Variants in SCNN1A observed in about 807,000 individuals in gnomAD.
The protein encoded by SCNN1A is epithelial sodium channel subunit alpha.
A neutral mutation model predicts 68.6 loss-of-function variants in SCNN1A; 65 were observed. That is an observed-to-expected ratio of 0.95 (90% CI 0.78 to 1.16). The LOEUF (loss-of-function observed/expected upper bound fraction) is 1.16. SCNN1A is among the 50% of genes most tolerant of loss of function. The probability of loss-of-function intolerance (pLI) is 0.00; values close to 1 mark genes in which losing one functional copy is unlikely to be tolerated. For missense variants in SCNN1A, 880 were observed against 865.9 expected, an observed-to-expected ratio of 1.02 and a Z score of -0.20; for synonymous variants, 357 against 353.3, an observed-to-expected ratio of 1.01 and a Z score of -0.12.
At chr12:6,354,694 G>T in intron 7 of SCNN1A, 56 bp downstream of exon 7, 1 of 1,508,522 alleles carries the variant, frequency 6.6e-7, no homozygotes, top group South Asian at 1.1e-5. Flanking sequence ...CAGCTTTGCA[G>T]GGCCAGCCAG....
rs72645116 is a variant in SCNN1A at position 6,363,766 on chromosome 12, C to T, written c.417-56G>A. The T allele has an allele frequency of 5.9e-4, 878 of 1,499,550 alleles. 5 individuals carry two copies. The African/African-American group carries it at 0.012, about 20-fold the overall frequency. 92.9% of individuals were successfully genotyped at this position (1,499,550 alleles called of 1,614,324 possible). On this transcript the variant is annotated intron_variant, in intron 2 of 12. Transcript: ENST00000228916. Reference sequence around the variant, plus strand: ...AGGGGCCCTGGAGCGAGTGTCTGGCCCCTCCGGGGTCAGGGTCCTCATCTG... The same window carrying T: ...AGGGGCCCTGGAGCGAGTGTCTGGCTCCTCCGGGGTCAGGGTCCTCATCTG...
At chr12:6,373,208 A>G (rs1948824882) in intron 2 of SCNN1A, among the ~76,000 whole-genome samples, 1 of 151,988 alleles carries the variant, frequency 6.6e-6, no homozygotes, top group Non-Finnish European at 1.5e-5. Flanking sequence ...ACATGATGGA[A>G]TATACGAAGG....
chr12:6,361,699 C>T (rs1349713714), intron 4 of SCNN1A, among the ~76,000 whole-genome samples: 6 of 152,128 alleles, frequency 3.9e-5, no homozygotes, highest in Admixed American at 3.3e-4. Flanking sequence ...GCCGAGATCG[C>T]GCCATTGCAC....
At position 6,375,528 on chromosome 12, in the gene SCNN1A, G is replaced by GGGGAGCCCGCCCGCCGGCCGGCCA; in HGVS notation, c.-79_-78insTGGCCGGCCGGCGGGCGGGCTCCC. 6.5e-7 allele frequency: 1 copy of GGGGAGCCCGCCCGCCGGCCGGCCA among 1,535,380 alleles called. No individual in the cohort carries two copies. On this transcript the variant is annotated 5_prime_UTR_variant, in exon 1 of 13. Transcript: ENST00000228916. Reference sequence around the variant, plus strand: ...ACCTGACAGGTGCAGCGGCCTGGCTGGGGAGCCCGCCCGCTGGCCGGCCAG... The same window carrying GGGGAGCCCGCCCGCCGGCCGGCCA: ...ACCTGACAGGTGCAGCGGCCTGGCTGGGGAGCCCGCCCGCCGGCCGGCCAGGGAGCCCGCCCGCTGGCCGGCCAG...
At chr12:6,368,226 A>G (rs1424771954) in intron 2 of SCNN1A, among the ~76,000 whole-genome samples, 1 of 152,236 alleles carries the variant, frequency 6.6e-6, no homozygotes, top group Non-Finnish European at 1.5e-5. Flanking sequence ...CCCAACCAGA[A>G]TAGATTCACA....
At chr12:6,353,447 G>A (rs79055824) in intron 8 of SCNN1A, among the ~76,000 whole-genome samples, 14,795 of 151,902 alleles carry the variant, frequency 0.097, 1,305 homozygotes, top group East Asian at 0.39. Context: ...CCAGCTAAGC[G>A]CCCTGGGCAC....
chr12:6,375,435 AG>A (rs1948887872), intron 1 of SCNN1A, 69 bp downstream of exon 1: 11 of 1,533,192 alleles, frequency 7.2e-6, no homozygotes, highest in Non-Finnish European at 8.7e-7. Flanking sequence ...TCCCACTCCC[AG>A]GTTGCGGCTG....
chr12:6,376,608 CT>C (rs1948914791), upstream of SCNN1A, among the ~76,000 whole-genome samples: 1 of 152,228 alleles, frequency 6.6e-6, no homozygotes. Context: ...TCCAAAATCT[CT>C]TTCCAAACTT....
chr12:6,354,470 T>C lies in SCNN1A; in HGVS notation c.1328A>G (p.Glu443Gly). The C allele has an allele frequency of 6.2e-7, 1 of 1,613,182 alleles. No homozygotes were observed. Among genetic ancestry groups the C allele is most frequent in the Non-Finnish European group, 8.5e-7 (1 of 1,179,892 alleles). Residue 443 changes from glutamate (E) to glycine (G), a missense_variant, in exon 8 of 13, where the codon GAG (glutamate) becomes GGG (glycine). Coordinates refer to ENST00000228916, the MANE Select transcript of SCNN1A (RefSeq NM_001038.6). ...ACTGTGCTTTCTGTAGTCACAGTAC[T>C]CCACGTTCTGGGGCCGCGGATAGAA... Reference protein sequence around the residue: ...YIFYPRPQNVEYCDYRKHSSW... With the variant: ...YIFYPRPQNVGYCDYRKHSSW...
rs1948281898 is a variant in SCNN1A, at chr12:6,347,732, C to G, written c.*141G>C. 1 of 730,308 alleles carries G rather than the reference C, an allele frequency of 1.4e-6. No individual in the cohort carries two copies. The highest frequency in any genetic ancestry group is 2.4e-6 in the Non-Finnish European group (1 of 417,702). The allele number at this position is 730,308 out of a possible 1,614,324, so 45.2% of individuals were successfully genotyped here. On this transcript the variant is annotated 3_prime_UTR_variant, in exon 13 of 13. Coordinates refer to ENST00000228916, the MANE Select transcript of SCNN1A (RefSeq NM_001038.6). ...TTGGAGCAACTTCCTGAGCCCTTAC[C>G]CATCTTGCTTCCCCTCCACACATCA... is the stretch of plus-strand genomic sequence containing the variant.
Position 6,363,472 on chromosome 12 carries a change from A to C in SCNN1A, c.655T>G (p.Trp219Gly). The change falls in exon 3 of 13, where the codon TGG becomes GGG. Residue 219 changes from tryptophan to glycine, a missense_variant. Physicochemically the swap from Trp to Gly is radical, Grantham distance 184. This residue lies in a region of SCNN1A where 758 missense variants were observed against 721.8 expected (regional missense o/e 1.05). Transcript: ENST00000228916. ...SLRDNNPQVD[W>G]KDWKIGFQLC... ...TGGAAGCCGATCTTCCAGTCCTTCCAGTCCACCTGGGGGTTGTTGTCCCGC... is the reference window on the plus strand; with the variant it reads ...TGGAAGCCGATCTTCCAGTCCTTCCCGTCCACCTGGGGGTTGTTGTCCCGC... 6.2e-7 allele frequency: 1 copy of C among 1,602,492 alleles called. No individual in the cohort carries two copies. Among genetic ancestry groups the C allele is most frequent in the Non-Finnish European group, 8.5e-7 (1 of 1,175,412 alleles).
chr12:6,349,651 G>C (rs1373719332), intron 8 of SCNN1A, among the ~76,000 whole-genome samples: 4 of 152,090 alleles, frequency 2.6e-5, no homozygotes, highest in Admixed American at 2.0e-4. Flanking sequence ...AAGGTTGCAA[G>C]TGAGCTATGA....
At chr12:6,368,078 C>T (rs10774426) in intron 2 of SCNN1A, among the ~76,000 whole-genome samples, 60,427 of 152,144 alleles carry the variant, frequency 0.4, 12,240 homozygotes, top group Admixed American at 0.51. Flanking sequence ...TAGCGTTTAT[C>T]GAGCACTTAT....
At chr12:6,362,343 C>T (rs966073139) in intron 3 of SCNN1A, 102 bp from the exon 4 acceptor site, 32 of 1,050,998 alleles carry the variant, frequency 3.0e-5, no homozygotes, top group African/African-American at 1.6e-4. Context: ...TGAGGACTGA[C>T]GGACAGGAGT....
intron 8 of SCNN1A, chr12:6,349,973 G>A (rs1389742511): frequency 3.1e-5 from 6 of 192,578 alleles, no homozygotes; most frequent in Middle Eastern, 2.1e-3. Flanking sequence ...TGATCTGCCC[G>A]CCTCGGCCTC....
rs996742538 is a variant in SCNN1A, at chr12:6,369,014, C to T, written c.417-5304G>A. On this transcript the variant is annotated intron_variant, in intron 2 of 12. Coordinates refer to ENST00000228916, the MANE Select transcript of SCNN1A (RefSeq NM_001038.6). ...CAGAGGAGCCAGGAGCCCAGGAAAG[C>T]GAATTTGCCTTTCTCAAGGTCACAC... Among the ~76,000 whole-genome samples, 7 of 152,148 alleles carry T rather than the reference C, an allele frequency of 4.6e-5. 1 individual carries two copies. The highest frequency in any genetic ancestry group is 3.3e-4 in the Admixed American group (5 of 15,276).
In SCNN1A at chr12:6,348,321, C is replaced by T. The variant is rs897980731; in HGVS notation, c.1630-68G>A. On this transcript the variant is annotated intron_variant, in intron 12 of 12. Coordinates refer to ENST00000228916, the MANE Select transcript of SCNN1A (RefSeq NM_001038.6). ...GGATGGACTCTGGCAGAGGAGCCCC[C>T]TTCCCTCCTCACCAAGCTGTCTCCC... 3.1e-6 allele frequency: 5 copies of T among 1,609,654 alleles called. No homozygotes were observed. In the African/African-American group the frequency reaches 5.4e-5, roughly 17 times the overall value.
At position 6,374,935 on chromosome 12, in the gene SCNN1A, G is replaced by A. The variant is rs1032564044; in HGVS notation, c.-54-98C>T. On this transcript the variant is annotated intron_variant, in intron 1 of 12. Transcript: ENST00000228916. This position sits in a 1 kb window ranked among gnomAD's most constrained non-coding sequence, Gnocchi z 6.2. ...CTCTCCCATCACCCCTGGAACCCGA[G>A]TGAGGCTGCCCCTGGCCATGCCCAT... is the stretch of plus-strand genomic sequence containing the variant. The A allele has an allele frequency of 6.3e-7, 1 of 1,592,426 alleles. No homozygotes were observed. The highest frequency in any genetic ancestry group is 1.8e-5 in the Admixed American group (1 of 55,584).
At chr12:6,375,600 C>T, upstream of SCNN1A, 1 of 1,512,222 alleles carries the variant, frequency 6.6e-7, no homozygotes, top group Non-Finnish European at 8.8e-7. Flanking sequence ...TAAAGGTGAG[C>T]AGGGCGGGGG....
Sources: allele counts gnomAD v4.1 joint callset (sites outside exome capture counted in the v4.1 genomes callset), GRCh38; gene constraint gnomAD v4.1.1; regional missense constraint gnomAD v4.1.1; non-coding constraint Gnocchi (gnomAD v3.1); transcripts MANE v1.5; gene names NCBI Gene and HGNC (gene_info 2026-07-23, HGNC 2026-07-21).